The following EPS15L1 variants were observed in gnomAD, a reference collection of about 807,000 sequenced individuals.
EPS15L1 encodes epidermal growth factor receptor substrate 15-like 1.
In EPS15L1, 43 loss-of-function variants were observed where a neutral mutation model predicts 117.1. That is an observed-to-expected ratio of 0.37 (90% CI 0.29 to 0.47). The LOEUF is 0.47. Among genes scored for constraint, EPS15L1 ranks in the 20% least tolerant of loss-of-function variants. EPS15L1 has a pLI of 0.99. For synonymous variants in EPS15L1, 459 were observed against 470.5 expected (o/e 0.98, Z 0.32); for missense variants, 981 against 1,164.0 (o/e 0.84, Z 2.29).
At chr19:16,415,944 C>A (rs115911123) in intron 12 of EPS15L1, among the ~76,000 whole-genome samples, 2 of 152,206 alleles carry the variant, frequency 1.3e-5, no homozygotes, top group Non-Finnish European at 2.9e-5. Flanking sequence ...CCTTGCTGAT[C>A]GCCAGTTTGG....
chr19:16,437,334 T>G (rs2145049744), intron 5 of EPS15L1, among the ~76,000 whole-genome samples: 1 of 152,338 alleles, frequency 6.6e-6, no homozygotes, highest in African/African-American at 2.4e-5. Flanking sequence ...CACTGATCCA[T>G]TCTACAACAT....
chr19:16,464,729 T>TACATTAACACTA (rs1555772276), intron 1 of EPS15L1, among the ~76,000 whole-genome samples: 8 of 148,630 alleles, frequency 5.4e-5, no homozygotes, highest in African/African-American at 1.5e-4. Context: ...ACACATAAAA[T>TACATTAACACTA]ACACTAACAC....
intron 22 of EPS15L1, 110 bp downstream of exon 22, chr19:16,377,012 C>T: frequency 7.3e-7 from 1 of 1,376,050 alleles, no homozygotes; most frequent in Non-Finnish European, 9.8e-7. Flanking sequence ...GCTCCCCACA[C>T]AGGGTCCCAC....
intron 1 of EPS15L1, among the ~76,000 whole-genome samples, chr19:16,451,267 G>C (rs1264466296): frequency 6.6e-6 from 1 of 152,068 alleles, no homozygotes; most frequent in African/African-American, 2.4e-5. Context: ...TCCAACAACT[G>C]CAAGTGAGTC....
chr19:16,377,360 T>G, intron 21 of EPS15L1, 106 bp from the exon 22 acceptor site: 1 of 1,320,700 alleles, frequency 7.6e-7, no homozygotes, highest in Non-Finnish European at 1.1e-6. Flanking sequence ...CAAGGCCTCC[T>G]ACCCTCTGGA....
At chr19:16,467,140 C>T (rs1326086544) in intron 1 of EPS15L1, among the ~76,000 whole-genome samples, 1 of 150,302 alleles carries the variant, frequency 6.7e-6, no homozygotes, top group Admixed American at 6.6e-5. Flanking sequence ...ATGGTGCCTG[C>T]TTTTCTTTTC....
chr19:16,426,975 A>C (rs766705514), intron 8 of EPS15L1, among the ~76,000 whole-genome samples: 3 of 152,206 alleles, frequency 2.0e-5, no homozygotes, highest in Non-Finnish European at 2.9e-5. Flanking sequence ...TGTTTTTAGG[A>C]AATACGCACT....
intron 1 of EPS15L1, among the ~76,000 whole-genome samples, chr19:16,464,654 A>G (rs1455379025): frequency 3.3e-5 from 5 of 152,116 alleles, no homozygotes; most frequent in Admixed American, 3.3e-4. Flanking sequence ...GCTATTCCCC[A>G]TGGCCTAGAC....
intron 10 of EPS15L1, among the ~76,000 whole-genome samples, chr19:16,419,745 G>C (rs144033570): frequency 4.4e-4 from 67 of 152,336 alleles, no homozygotes; most frequent in African/African-American, 1.4e-3. Flanking sequence ...GAACATTGCT[G>C]ATAAATGCCT....
At chr19:16,398,216 G>A (rs145722647) in intron 16 of EPS15L1, among the ~76,000 whole-genome samples, 3 of 152,250 alleles carry the variant, frequency 2.0e-5, no homozygotes, top group East Asian at 1.9e-4. Context: ...CCGCTTCCTC[G>A]GCCCCCACTT....
intron 21 of EPS15L1, among the ~76,000 whole-genome samples, chr19:16,378,193 G>A (rs919985555): frequency 2.0e-5 from 3 of 152,004 alleles, no homozygotes; most frequent in Non-Finnish European, 2.9e-5. Context: ...ATGTGGCGAC[G>A]TCTTGCAGGT....
chr19:16,425,630 T>A (rs1214919659), intron 8 of EPS15L1, among the ~76,000 whole-genome samples: 1 of 152,128 alleles, frequency 6.6e-6, no homozygotes, highest in Non-Finnish European at 1.5e-5. Flanking sequence ...AGTACTGGAT[T>A]TGGAAGTCTA....
At chr19:16,426,966 G>A (rs2144982809) in intron 8 of EPS15L1, among the ~76,000 whole-genome samples, 1 of 152,322 alleles carries the variant, frequency 6.6e-6, no homozygotes, top group Non-Finnish European at 1.5e-5. Flanking sequence ...AGAAGTCCTT[G>A]TTTTTAGGAA....
At chr19:16,412,721 G>C (rs1005564790) in intron 13 of EPS15L1, 11 of 166,168 alleles carry the variant, frequency 6.6e-5, no homozygotes, top group South Asian at 5.3e-4. Context: ...GGTGGGGGGG[G>C]GGGGGGTGTC....
intron 22 of EPS15L1, 40 bp from the exon 23 acceptor site, chr19:16,362,024 A>T: frequency 6.5e-7 from 1 of 1,542,688 alleles, no homozygotes; most frequent in Non-Finnish European, 8.7e-7. Context: ...GAAAGAAAGA[A>T]ATATGAGTTA....
rs147870859 is a variant in EPS15L1, at chr19:16,453,692, G to A, written c.34-11473C>T. Among the ~76,000 whole-genome samples the A allele has an allele frequency of 4.7e-3, 720 of 151,656 alleles. 5 individuals carry two copies. The highest frequency in any genetic ancestry group is 0.017 in the African/African-American group (689 of 41,298). On this transcript the variant is annotated intron_variant, in intron 1 of 23. Coordinates refer to ENST00000455140, the MANE Select transcript of EPS15L1 (RefSeq NM_001258374.3). ...CGAGCCACTGCACTCCAGCCTGGGC[G>A]ACAGAGCGAGACTCCATCTCAAAAA...
At chr19:16,437,949 G>T (rs1376067398) in intron 4 of EPS15L1, 84 bp from the exon 5 acceptor site, 2 of 1,028,944 alleles carry the variant, frequency 1.9e-6, no homozygotes, top group African/African-American at 3.2e-5. Context: ...AGGCTTCAGG[G>T]AAAGAGGATG....
intron 13 of EPS15L1, among the ~76,000 whole-genome samples, chr19:16,412,153 A>G (rs2092712573): frequency 6.6e-6 from 1 of 152,100 alleles, no homozygotes; most frequent in Non-Finnish European, 1.5e-5. Flanking sequence ...AAAGATGCAG[A>G]ACCCTTGGAT....
intron 1 of EPS15L1, among the ~76,000 whole-genome samples, chr19:16,469,038 T>C (rs2093326732): frequency 6.6e-6 from 1 of 151,976 alleles, no homozygotes; most frequent in Non-Finnish European, 1.5e-5. Context: ...AAAAGATGAC[T>C]TCCACAGTGG....
Sources: allele counts gnomAD v4.1 joint callset (sites outside exome capture counted in the v4.1 genomes callset), GRCh38; gene constraint gnomAD v4.1.1; transcripts MANE v1.5; gene names NCBI Gene and HGNC (gene_info 2026-07-23, HGNC 2026-07-21).